Variants in GRM5 observed in about 807,000 individuals in gnomAD.
GRM5 encodes the protein glutamate metabotropic receptor 5.
In GRM5, 19 loss-of-function variants were observed where a neutral mutation model predicts 83.1. The ratio of observed to expected loss-of-function variants is 0.23; its 90% CI spans 0.16 to 0.34. The LOEUF (loss-of-function observed/expected upper bound fraction) is 0.34. Among genes scored for constraint, GRM5 ranks in the 10% least tolerant of loss-of-function variants. GRM5 has a pLI of 1.00. For missense variants in GRM5, 1,160 were observed against 1,588.3 expected (o/e 0.73, Z 4.58); for synonymous variants, 675 against 633.6 (o/e 1.07, Z -0.98).
At chr11:88,643,323 A>G (rs1306948029) in intron 4 of GRM5, among the ~76,000 whole-genome samples, 2 of 152,130 alleles carry the variant, frequency 1.3e-5, no homozygotes, top group African/African-American at 4.8e-5. Flanking sequence ...GAACAGTCTC[A>G]AGGGGATGGT....
intron 7 of GRM5, among the ~76,000 whole-genome samples, chr11:88,589,337 G>A (rs1001395105): frequency 1.3e-5 from 2 of 152,082 alleles, no homozygotes; most frequent in Admixed American, 1.3e-4. Context: ...AAGAGCATCA[G>A]AAAGCTCACA....
chr11:88,720,819 TGC>T (rs146204671), intron 3 of GRM5, among the ~76,000 whole-genome samples: 18,158 of 122,494 alleles, frequency 0.15, 1,339 homozygotes, highest in Middle Eastern at 0.23. Context: ...TGTGTGTGTG[TGC>T]GTGTGTGTGT....
At chr11:88,515,740 T>G (rs1941502400) in intron 9 of GRM5, among the ~76,000 whole-genome samples, 1 of 152,226 alleles carries the variant, frequency 6.6e-6, no homozygotes, top group African/African-American at 2.4e-5. Flanking sequence ...GGAAATGATT[T>G]TTACCAGCAA....
In GRM5 at chr11:88,508,962, C is replaced by T. The variant is rs1941268516; in HGVS notation, c.3269G>A (p.Gly1090Asp). Residue 1090 changes from glycine (G) to aspartate (D), a missense_variant, in exon 10 of 10, where the codon GGC (glycine) becomes GAC (aspartate). This residue lies in a region of GRM5 where 562 missense variants were observed against 532.4 expected (regional missense o/e 1.06). Transcript: ENST00000305447. This position sits in a 1 kb window ranked among gnomAD's most constrained non-coding sequence, Gnocchi z 4.2. ...CAGGTAGGACGAGCAGAGCGGGGCG[C>T]CGACGCCGGGGCTGGGGGCCGCGGT... ...LSTAAPSPGV[G>D]APLCSSYLIP... The T allele has an allele frequency of 1.9e-6, 3 of 1,590,844 alleles. No homozygotes were observed. The highest frequency in any genetic ancestry group is 4.5e-5 in the East Asian group (2 of 43,968).
At chr11:88,915,976 A>C (rs1422439040) in intron 2 of GRM5, among the ~76,000 whole-genome samples, 1 of 152,208 alleles carries the variant, frequency 6.6e-6, no homozygotes, top group Non-Finnish European at 1.5e-5. Context: ...TAGTCAAACA[A>C]TCCTGAAAGG....
intron 2 of GRM5, among the ~76,000 whole-genome samples, chr11:88,907,665 A>T (rs750026797): frequency 1.7e-4 from 26 of 152,146 alleles, no homozygotes; most frequent in Non-Finnish European, 3.8e-4. Flanking sequence ...GAATAACTTA[A>T]TCGTGAACAC....
chr11:88,828,755 G>A (rs1943936285), intron 3 of GRM5, among the ~76,000 whole-genome samples: 1 of 151,852 alleles, frequency 6.6e-6, no homozygotes, highest in African/African-American at 2.4e-5. Flanking sequence ...CAAAACTTCT[G>A]GAGAAAACTA....
intron 2 of GRM5, among the ~76,000 whole-genome samples, chr11:88,989,978 A>G (rs1160472830): frequency 6.6e-6 from 1 of 151,938 alleles, no homozygotes; most frequent in Non-Finnish European, 1.5e-5. Context: ...AAACACATTC[A>G]AAAGCTAGCA....
intron 3 of GRM5, among the ~76,000 whole-genome samples, chr11:88,832,649 A>G (rs751652947): frequency 2.9e-4 from 44 of 152,150 alleles, no homozygotes; most frequent in Admixed American, 2.0e-4. Context: ...AAAGAGCTTG[A>G]AAAACCAAAG....
intron 2 of GRM5, among the ~76,000 whole-genome samples, chr11:88,906,132 G>A (rs868712710): frequency 2.2e-4 from 33 of 152,050 alleles, no homozygotes; most frequent in African/African-American, 6.8e-4. Context: ...GTCTCTCTTA[G>A]CCAGATAAAA....
At chr11:88,845,099 A>T (rs1238416526) in intron 3 of GRM5, among the ~76,000 whole-genome samples, 1 of 152,206 alleles carries the variant, frequency 6.6e-6, no homozygotes. Context: ...GTAAAATGCC[A>T]TCAAACAACA....
chr11:88,970,042 T>G lies in GRM5; in HGVS notation c.661+77170A>C, dbSNP rs185965522. Among the ~76,000 whole-genome samples the G allele has an allele frequency of 3.6e-3, 553 of 152,270 alleles. 1 individual carries two copies. Among genetic ancestry groups the G allele is most frequent in the Non-Finnish European group, 6.0e-3 (405 of 68,012 alleles). The stretch of plus-strand genomic sequence containing the variant: ...ATTACCTCCTGTGGGAAACGTTTCT[T>G]GATTTTCTTCCGTATCTAACATGTA... On this transcript the variant is annotated intron_variant, in intron 2 of 9. Coordinates refer to ENST00000305447, the MANE Select transcript of GRM5 (RefSeq NM_001143831.3).
At chr11:88,996,309 C>T (rs1043496006) in intron 2 of GRM5, among the ~76,000 whole-genome samples, 1 of 152,180 alleles carries the variant, frequency 6.6e-6, no homozygotes, top group Admixed American at 6.5e-5. Flanking sequence ...TCTCTGAGCA[C>T]TTCTGAAGAG....
intron 2 of GRM5, among the ~76,000 whole-genome samples, chr11:88,915,909 T>C (rs658708): frequency 0.32 from 48,557 of 152,010 alleles, 7,981 homozygotes; most frequent in Non-Finnish European, 0.36. Flanking sequence ...TAGTCTTTTA[T>C]CTTCTGAAGA....
intron 9 of GRM5, among the ~76,000 whole-genome samples, chr11:88,523,227 C>G (rs1052682321): frequency 4.6e-5 from 7 of 152,118 alleles, no homozygotes; most frequent in Admixed American, 2.6e-4. Flanking sequence ...TTGAGATGAC[C>G]TAGGAAACTT....
intron 2 of GRM5, among the ~76,000 whole-genome samples, chr11:88,992,527 G>A (rs932610698): frequency 1.5e-4 from 23 of 152,132 alleles, no homozygotes; most frequent in African/African-American, 3.4e-4. Context: ...GTATATACCC[G>A]AAGGATTATA....
At chr11:88,782,849 T>C (rs910302990) in intron 3 of GRM5, among the ~76,000 whole-genome samples, 1 of 152,148 alleles carries the variant, frequency 6.6e-6, no homozygotes, top group Non-Finnish European at 1.5e-5. Context: ...GCTGAACTCA[T>C]TCATGGACCA....
At chr11:88,626,883 G>T (rs537210200) in intron 4 of GRM5, among the ~76,000 whole-genome samples, 2 of 152,294 alleles carry the variant, frequency 1.3e-5, no homozygotes, top group East Asian at 3.9e-4. Flanking sequence ...ATAGCAAGAA[G>T]GAGGCTGTCT....
At chr11:88,517,856 T>G (rs1941564093) in intron 9 of GRM5, among the ~76,000 whole-genome samples, 1 of 152,136 alleles carries the variant, frequency 6.6e-6, no homozygotes, top group African/African-American at 2.4e-5. Flanking sequence ...GCATATATAT[T>G]GTATATAACT....
Sources: allele counts gnomAD v4.1 joint callset (sites outside exome capture counted in the v4.1 genomes callset), GRCh38; gene constraint gnomAD v4.1.1; regional missense constraint gnomAD v4.1.1; non-coding constraint Gnocchi (gnomAD v3.1); transcripts MANE v1.5; gene names NCBI Gene and HGNC (gene_info 2026-07-23, HGNC 2026-07-21).